RAB31: variants seen among roughly 807,000 people sequenced by gnomAD.
RAB31 encodes the protein ras-related protein Rab-31.
A neutral mutation model predicts 25.6 loss-of-function variants in RAB31; 21 were observed. The ratio of observed to expected loss-of-function variants is 0.82; its 90% CI spans 0.58 to 1.18. The LOEUF is 1.18. Ranked by LOEUF, RAB31 falls within the 50% of genes most tolerant of loss-of-function variation. The pLI is 0.00. For missense variants in RAB31, 196 were observed against 250.1 expected, an observed-to-expected ratio of 0.78 and a Z score of 1.46; for synonymous variants, 87 against 84.0, an observed-to-expected ratio of 1.04 and a Z score of -0.20.
At chr18:9,748,605 T>TA (rs1568168801) in intron 1 of RAB31, among the ~76,000 whole-genome samples, 38 of 123,768 alleles carry the variant, frequency 3.1e-4, no homozygotes, top group Admixed American at 1.3e-3. Context: ...TTTAAAAATA[T>TA]AAGGGGACCA....
intron 3 of RAB31, among the ~76,000 whole-genome samples, chr18:9,812,617 A>G (rs1332217603): frequency 1.4e-5 from 2 of 147,776 alleles, no homozygotes; most frequent in Non-Finnish European, 3.0e-5. Flanking sequence ...ATTTACCTTT[A>G]TATATATCTT....
intron 5 of RAB31, among the ~76,000 whole-genome samples, chr18:9,824,286 G>GTGTGTATGTGTGTGTAGA (rs149405249): frequency 2.0e-5 from 3 of 150,714 alleles, no homozygotes; most frequent in Non-Finnish European, 4.4e-5. Flanking sequence ...ATGTAGATGT[G>GTGTGTATGTGTGTGTAGA]TGTGTATGTG....
chr18:9,750,283 G>A (rs1228990084), intron 1 of RAB31, among the ~76,000 whole-genome samples: 3 of 152,172 alleles, frequency 2.0e-5, no homozygotes, highest in South Asian at 2.1e-4. Flanking sequence ...TAGAAAACTC[G>A]GGCTGCCTTT....
intron 1 of RAB31, among the ~76,000 whole-genome samples, chr18:9,736,340 C>T (rs185272302): frequency 6.6e-6 from 1 of 152,260 alleles, no homozygotes; most frequent in African/African-American, 2.4e-5. Flanking sequence ...TAGAATTGCG[C>T]TGCCCACTTT....
intron 1 of RAB31, among the ~76,000 whole-genome samples, chr18:9,743,976 C>T (rs11662192): frequency 0.049 from 7,472 of 152,306 alleles, 241 homozygotes; most frequent in African/African-American, 0.085. Flanking sequence ...ACCCTGTAGG[C>T]GCAGTGGGTG....
intron 1 of RAB31, among the ~76,000 whole-genome samples, chr18:9,768,204 C>T (rs2068326221): frequency 6.6e-6 from 1 of 152,106 alleles, no homozygotes; most frequent in South Asian, 2.1e-4. Context: ...ATTTATAATC[C>T]TTTGTGTATA....
chr18:9,727,953 T>C (rs2068103444), intron 1 of RAB31, among the ~76,000 whole-genome samples: 1 of 152,240 alleles, frequency 6.6e-6, no homozygotes, highest in Non-Finnish European at 1.5e-5. Flanking sequence ...TCTACTCTCT[T>C]AGCAAATAGA....
At chr18:9,795,044 A>C (rs1025380853) in intron 3 of RAB31, among the ~76,000 whole-genome samples, 4 of 152,236 alleles carry the variant, frequency 2.6e-5, no homozygotes, top group Admixed American at 2.6e-4. Context: ...AAAAATAGGC[A>C]TGTAGACCAA....
intron 1 of RAB31, among the ~76,000 whole-genome samples, chr18:9,760,626 G>A (rs574707475): frequency 6.6e-6 from 1 of 152,344 alleles, no homozygotes; most frequent in East Asian, 1.9e-4. Context: ...TCCGGGAGGT[G>A]TTCATGCTTC....
chr18:9,859,365 C>T lies in RAB31; in HGVS notation c.*40C>T. 1 of 1,544,582 alleles carries T rather than the reference C, an allele frequency of 6.5e-7. No individual in the cohort carries two copies. Among genetic ancestry groups the T allele is most frequent in the Non-Finnish European group, 8.9e-7 (1 of 1,117,718 alleles). ...TCCACGGTACTTGAAGAAGCCAGAG[C>T]CCACATCCTGTGCACTGCTGAAGGA... On this transcript the variant is annotated 3_prime_UTR_variant, in exon 7 of 7. Coordinates refer to ENST00000578921, the MANE Select transcript of RAB31 (RefSeq NM_006868.4).
intron 1 of RAB31, among the ~76,000 whole-genome samples, chr18:9,734,486 A>G (rs1437218321): frequency 6.6e-6 from 1 of 152,176 alleles, no homozygotes; most frequent in African/African-American, 2.4e-5. Context: ...TGAGTGAGCT[A>G]AGGGTGAGCC....
chr18:9,748,763 T>A (rs953598131), intron 1 of RAB31, among the ~76,000 whole-genome samples: 6 of 151,378 alleles, frequency 4.0e-5, no homozygotes, highest in Non-Finnish European at 8.8e-5. Context: ...TGGTGGCATG[T>A]GCCTGTAATC....
chr18:9,844,858 GT>G (rs2068752672), intron 5 of RAB31: 9 of 151,030 alleles, frequency 6.0e-5, no homozygotes, highest in Non-Finnish European at 1.2e-4. Context: ...GTTTTGTTTT[GT>G]TTTGTTTTGT....
At chr18:9,724,406 T>C (rs1313777944) in intron 1 of RAB31, among the ~76,000 whole-genome samples, 4 of 152,252 alleles carry the variant, frequency 2.6e-5, no homozygotes, top group Non-Finnish European at 5.9e-5. Context: ...GCTTTGCTTC[T>C]GACTTGTTAA....
intron 5 of RAB31, among the ~76,000 whole-genome samples, chr18:9,818,453 A>G (rs1228943499): frequency 2.0e-5 from 3 of 152,186 alleles, no homozygotes; most frequent in Non-Finnish European, 4.4e-5. Context: ...CGTTTTGCAT[A>G]CATGGAATCG....
At chr18:9,852,520 G>A (rs2068794234) in intron 6 of RAB31, among the ~76,000 whole-genome samples, 1 of 150,920 alleles carries the variant, frequency 6.6e-6, no homozygotes, top group Non-Finnish European at 1.5e-5. Context: ...TTCCCCTTAT[G>A]CAATTTGTTT....
intron 1 of RAB31, among the ~76,000 whole-genome samples, chr18:9,747,109 T>G (rs1161096185): frequency 1.3e-5 from 2 of 152,214 alleles, no homozygotes; most frequent in East Asian, 1.9e-4. Context: ...AGGATTTGAA[T>G]AGACCTTCTC....
At chr18:9,843,666 C>G (rs2068745924) in intron 5 of RAB31, among the ~76,000 whole-genome samples, 3 of 152,000 alleles carry the variant, frequency 2.0e-5, no homozygotes, top group Admixed American at 1.3e-4. Context: ...CAGAAAAACT[C>G]CAGCATAATC....
intron 1 of RAB31, among the ~76,000 whole-genome samples, chr18:9,717,507 A>C (rs2068050681): frequency 6.6e-6 from 1 of 151,960 alleles, no homozygotes; most frequent in Non-Finnish European, 1.5e-5. Context: ...TGTCACAGAG[A>C]GCTAGATGCC....
Sources: gnomAD v4.1 joint callset for allele counts (sites outside exome capture counted in the v4.1 genomes callset) on GRCh38, gnomAD v4.1.1 for gene constraint, MANE v1.5 for transcripts, NCBI Gene and HGNC (gene_info 2026-07-23, HGNC 2026-07-21) for gene names.